GJC3: variants seen among roughly 807,000 people sequenced by gnomAD.
The protein encoded by GJC3 is gap junction gamma-3 protein.
In GJC3, 17 loss-of-function variants were observed where a neutral mutation model predicts 19.8. The observed-to-expected ratio is 0.86, with a 90% confidence interval of 0.59 to 1.29. The LOEUF is 1.29. GJC3 is among the 50% of genes most tolerant of loss of function. GJC3 has a pLI of 0.00. For synonymous variants in GJC3, 140 were observed against 136.5 expected (o/e 1.03, Z -0.18); for missense variants, 317 against 332.5 (o/e 0.95, Z 0.36).
chr7:99,930,720 C>T (rs78335273), upstream of GJC3, among the ~76,000 whole-genome samples: 5 of 152,264 alleles, frequency 3.3e-5, no homozygotes, highest in African/African-American at 9.6e-5. Context: ...CTCTTATCTG[C>T]GATTTCACTT....
intron 1 of GJC3, among the ~76,000 whole-genome samples, chr7:99,924,327 G>A (rs1335977906): frequency 2.6e-5 from 4 of 152,170 alleles, no homozygotes; most frequent in Non-Finnish European, 5.9e-5. Flanking sequence ...GGTGGCTCAC[G>A]CCTGTAATCC....
chr7:99,925,721 G>A (rs77133704), intron 1 of GJC3, among the ~76,000 whole-genome samples: 2,774 of 152,196 alleles, frequency 0.018, 87 homozygotes, highest in African/African-American at 0.062. Context: ...AATGGGAAAA[G>A]GATTTGAATA....
upstream of GJC3, chr7:99,929,621 C>T: frequency 6.2e-7 from 1 of 1,602,964 alleles, no homozygotes; most frequent in Non-Finnish European, 8.5e-7. Context: ...TGCCACACAT[C>T]CTGTTTTGGA....
rs776998028 is a variant in GJC3, at chr7:99,928,933, T to C, written c.688A>G (p.Lys230Glu). 2.5e-6 allele frequency: 4 copies of C among 1,614,152 alleles called. No homozygotes were observed. In the South Asian group the frequency reaches 4.4e-5, roughly 18 times the overall value. The change falls in exon 1 of 2, where the codon AAA becomes GAA. Residue 230 changes from lysine (K) to glutamate (E), a missense_variant. By Grantham distance (56) the Lys-to-Glu change is moderately conservative (BLOSUM62 1). Coordinates refer to ENST00000312891, the MANE Select transcript of GJC3 (RefSeq NM_181538.3). ...RTWKHKSSSS[K>E]YFLTSESTRR... ...GTGCTCTCTGAAGTTAGGAAGTATT[T>C]AGAAGAGGAAGATTTGTGCTTCCAG... is the stretch of plus-strand genomic sequence containing the variant.
At position 99,929,265 on chromosome 7, in the gene GJC3, C is replaced by G. The variant is rs771760765; in HGVS notation, c.356G>C (p.Arg119Pro). 13 of 1,614,184 alleles carry G rather than the reference C, an allele frequency of 8.1e-6. No individual in the cohort carries two copies. The highest frequency in any genetic ancestry group is 1.7e-5 in the Admixed American group (1 of 60,018). The part of the protein sequence containing the change: ...GKEEETLIQG[R>P]EGNTDVPGAG... Reference sequence around the variant, plus strand: ...CCCTGGGACATCTGTGTTGCCCTCCCGTCCCTGGATCAGGGTCTCCTCCTC... The same window carrying G: ...CCCTGGGACATCTGTGTTGCCCTCCGGTCCCTGGATCAGGGTCTCCTCCTC... Residue 119 changes from arginine (R) to proline (P), a missense_variant, in exon 1 of 2, where the codon CGG becomes CCG. By Grantham distance (103) the Arg-to-Pro change is moderately radical. Transcript: ENST00000312891.
In GJC3 at chr7:99,929,024, G is replaced by T. The variant is rs143828671; in HGVS notation, c.597C>A (p.Ser199Arg). Residue 199 changes from serine to arginine, a missense_variant, in exon 1 of 2, where the codon AGC becomes AGA. Ser to Arg is a moderately radical substitution (Grantham distance 110, BLOSUM62 -1). Transcript: ENST00000312891. ...AAAAAGTAAACAAGAGACAGAAACC[G>T]CTGACTCCAAACATGGTCTTTAGGA... ...TIFLKTMFGV[S>R]GFCLLFTFLE... 8.2e-4 allele frequency: 1,322 copies of T among 1,614,122 alleles called. 12 individuals carry two copies. The highest frequency in any genetic ancestry group is 7.4e-3 in the South Asian group (674 of 91,084).
At chr7:99,926,874 A>T (rs1819810956) in intron 1 of GJC3, among the ~76,000 whole-genome samples, 1 of 152,216 alleles carries the variant, frequency 6.6e-6, no homozygotes, top group South Asian at 2.1e-4. Context: ...AACTCCTAGC[A>T]AAGCAAAGAA....
At chr7:99,923,686 G>T in intron 1 of GJC3, 83 bp from the exon 2 acceptor site, 1 of 740,840 alleles carries the variant, frequency 1.3e-6, no homozygotes, top group East Asian at 2.5e-5. Context: ...AAGGACCCTG[G>T]GTTACACTTT....
At chr7:99,925,547 C>T (rs1282077167) in intron 1 of GJC3, among the ~76,000 whole-genome samples, 1 of 152,104 alleles carries the variant, frequency 6.6e-6, no homozygotes, top group African/African-American at 2.4e-5. Flanking sequence ...TGTTAGACTT[C>T]ATTAAAATTT....
Position 99,928,983 on chromosome 7 carries a change from A to T in GJC3, c.638T>A (p.Leu213Gln). The change falls in exon 1 of 2, where the codon CTG becomes CAG. Residue 213 changes from leucine to glutamine, a missense_variant. Transcript: ENST00000312891. ...LLFTFLELVL[L>Q]GLGRWWRTWK... ...GGTCCTCCACCATCTCCCCAAACCC[A>T]GAAGCACAAGCTCCAAAAAAGTAAA... is the stretch of plus-strand genomic sequence containing the variant. 1 of 1,614,226 alleles carries T rather than the reference A, an allele frequency of 6.2e-7. No homozygotes were observed. Among genetic ancestry groups the T allele is most frequent in the Non-Finnish European group, 8.5e-7 (1 of 1,180,036 alleles).
At chr7:99,927,274 C>T (rs2115584524) in intron 1 of GJC3, among the ~76,000 whole-genome samples, 1 of 152,344 alleles carries the variant, frequency 6.6e-6, no homozygotes, top group African/African-American at 2.4e-5. Flanking sequence ...CCTTAGGTTC[C>T]CTTCCTCCAG....
intron 1 of GJC3, among the ~76,000 whole-genome samples, chr7:99,924,620 G>A (rs943541239): frequency 2.0e-5 from 3 of 152,216 alleles, no homozygotes; most frequent in Middle Eastern, 3.4e-3. Flanking sequence ...CCCTCCTTGC[G>A]GTGGAGTATC....
intron 1 of GJC3, among the ~76,000 whole-genome samples, chr7:99,927,216 GTTA>G (rs1301138387): frequency 1.3e-5 from 2 of 152,246 alleles, no homozygotes; most frequent in Non-Finnish European, 2.9e-5. Context: ...GGCAAGGAAA[GTTA>G]GAGTTTTCCT....
intron 1 of GJC3, among the ~76,000 whole-genome samples, chr7:99,926,967 G>A (rs1375977502): frequency 2.0e-5 from 3 of 152,196 alleles, no homozygotes; most frequent in East Asian, 1.9e-4. Flanking sequence ...TCCGAGCAGC[G>A]GTTCAAGGGC....
At chr7:99,924,190 C>T (rs1195532338) in intron 1 of GJC3, among the ~76,000 whole-genome samples, 2 of 152,210 alleles carry the variant, frequency 1.3e-5, no homozygotes, top group Non-Finnish European at 2.9e-5. Context: ...ACCTTGATCA[C>T]CCGGCTGAGG....
In GJC3 at chr7:99,923,566, T is replaced by A. The variant is rs775772049; in HGVS notation, c.819A>T (p.Pro273=). The A allele has an allele frequency of 1.3e-6, 1 of 781,096 alleles. No individual in the cohort carries two copies. 48.4% of individuals were successfully genotyped at this position (781,096 alleles called of 1,614,324 possible). A position where few individuals can be genotyped will look rare whatever the true frequency, so the allele number is the denominator to read the frequency against. The change falls in exon 2 of 2, where the codon CCA becomes CCT. Residue 273 remains proline, a synonymous_variant. Coordinates refer to ENST00000312891, the MANE Select transcript of GJC3 (RefSeq NM_181538.3). ...CAACTCAGGCATCTCTGGGTCCAAC[T>A]GGTCTTTGTTTTTCCTGGGCTAAGC... ...GRSLAQEKQR[P]VGPRDA
chr7:99,929,806 A>G (rs1819871025), upstream of GJC3: 3 of 630,562 alleles, frequency 4.8e-6, no homozygotes, highest in Non-Finnish European at 8.4e-6. Flanking sequence ...GAAATCATCT[A>G]TGTAAAATAA....
At chr7:99,927,999 G>A (rs1819835705) in intron 1 of GJC3, among the ~76,000 whole-genome samples, 1 of 152,244 alleles carries the variant, frequency 6.6e-6, no homozygotes, top group African/African-American at 2.4e-5. Context: ...TTAAGGATAT[G>A]GCCGGGTATT....
chr7:99,928,699 C>T, intron 1 of GJC3, 141 bp downstream of exon 1: 1 of 753,302 alleles, frequency 1.3e-6, no homozygotes, highest in East Asian at 2.6e-5. Context: ...GAGTGGCGGT[C>T]AGAACACATC....
Sources: gnomAD v4.1 joint callset for allele counts (sites outside exome capture counted in the v4.1 genomes callset) on GRCh38, gnomAD v4.1.1 for gene constraint, MANE v1.5 for transcripts, NCBI Gene and HGNC (gene_info 2026-07-23, HGNC 2026-07-21) for gene names.